DPP10: variants seen among roughly 807,000 people sequenced by gnomAD.
DPP10 encodes inactive dipeptidyl peptidase 10.
A neutral mutation model predicts 120.9 loss-of-function variants in DPP10; 33 were observed. That is an observed-to-expected ratio of 0.27 (90% CI 0.21 to 0.37). The LOEUF (loss-of-function observed/expected upper bound fraction) is 0.37, where lower values mean the gene tolerates loss of function less well. DPP10 is among the 10% of genes least tolerant of loss of function. The probability of loss-of-function intolerance (pLI) is 1.00; values close to 1 mark genes in which losing one functional copy is unlikely to be tolerated. For synonymous variants in DPP10, 337 were observed against 326.1 expected (o/e 1.03, Z -0.36); for missense variants, 816 against 942.8 (o/e 0.87, Z 1.76).
intron 5 of DPP10, among the ~76,000 whole-genome samples, chr2:115,534,396 T>A (rs1323829236): frequency 6.6e-6 from 1 of 151,516 alleles, no homozygotes; most frequent in African/African-American, 2.4e-5. Flanking sequence ...TTACTGAGAA[T>A]GATGATTTCC....
At position 115,172,960 on chromosome 2, in the gene DPP10, C is replaced by A. The variant is rs543713963; in HGVS notation, c.61-136279C>A. 1.3e-3 allele frequency among the ~76,000 whole-genome samples: 195 copies of A among 152,282 alleles called. 1 individual carries two copies. Among genetic ancestry groups the A allele is most frequent in the Non-Finnish European group, 2.2e-3 (152 of 68,034 alleles). On this transcript the variant is annotated intron_variant, in intron 1 of 25. Coordinates refer to ENST00000410059, the MANE Select transcript of DPP10 (RefSeq NM_020868.6). ...ATATAGAGTCCTCCTGACTCCAAAG[C>A]AAACATGGATTGGGAGTTGGTTAAG...
At chr2:115,259,520 A>G (rs2059157047) in intron 1 of DPP10, among the ~76,000 whole-genome samples, 1 of 152,002 alleles carries the variant, frequency 6.6e-6, no homozygotes, top group Non-Finnish European at 1.5e-5. Flanking sequence ...TAGCAAAAGA[A>G]ACACACTTCA....
chr2:115,625,296 AG>A (rs2085272495), intron 5 of DPP10, among the ~76,000 whole-genome samples: 1 of 152,156 alleles, frequency 6.6e-6, no homozygotes, highest in South Asian at 2.1e-4. Flanking sequence ...AGTGTGGAAA[AG>A]ACTTCAGTAT....
chr2:114,738,839 T>A (rs1424021116), intron 1 of DPP10, among the ~76,000 whole-genome samples: 1 of 152,192 alleles, frequency 6.6e-6, no homozygotes, highest in African/African-American at 2.4e-5. Flanking sequence ...TGTCCTGGAA[T>A]CCTTCCGCAA....
intron 1 of DPP10, among the ~76,000 whole-genome samples, chr2:114,988,008 G>T (rs1700521964): frequency 6.6e-6 from 1 of 151,724 alleles, no homozygotes; most frequent in Non-Finnish European, 1.5e-5. Flanking sequence ...GTTTCTCCTT[G>T]TTAGCCAGGA....
At chr2:114,943,214 G>A (rs1201407555) in intron 1 of DPP10, among the ~76,000 whole-genome samples, 1 of 152,114 alleles carries the variant, frequency 6.6e-6, no homozygotes, top group Non-Finnish European at 1.5e-5. Flanking sequence ...CCATGTCCCT[G>A]CAAAGGACAC....
chr2:115,389,563 C>A (rs72840766), intron 3 of DPP10, among the ~76,000 whole-genome samples: 2 of 152,046 alleles, frequency 1.3e-5, no homozygotes, highest in Non-Finnish European at 2.9e-5. Context: ...TAAATAATAA[C>A]CTTGTTGAAC....
At chr2:115,654,749 C>A (rs1304263688) in intron 5 of DPP10, among the ~76,000 whole-genome samples, 1 of 151,734 alleles carries the variant, frequency 6.6e-6, no homozygotes, top group East Asian at 1.9e-4. Context: ...TGTTTATAAA[C>A]CAATCAATAT....
intron 1 of DPP10, among the ~76,000 whole-genome samples, chr2:115,181,599 G>A (rs777521991): frequency 2.6e-5 from 4 of 152,062 alleles, no homozygotes; most frequent in African/African-American, 9.7e-5. Context: ...TCCAAGTACC[G>A]AGGGAAAAAA....
intron 5 of DPP10, among the ~76,000 whole-genome samples, chr2:115,599,021 A>T (rs2083160806): frequency 6.6e-6 from 1 of 151,526 alleles, no homozygotes; most frequent in Non-Finnish European, 1.5e-5. Context: ...TTTGTTCTTC[A>T]TGGGTTTCTG....
At chr2:114,559,088 G>C (rs574876858) in intron 1 of DPP10, among the ~76,000 whole-genome samples, 1 of 152,170 alleles carries the variant, frequency 6.6e-6, no homozygotes, top group African/African-American at 2.4e-5. Context: ...TGAGGATACC[G>C]AAGCTTAGTG....
intron 1 of DPP10, among the ~76,000 whole-genome samples, chr2:115,296,548 T>A (rs1261577334): frequency 6.6e-6 from 1 of 152,026 alleles, no homozygotes; most frequent in African/African-American, 2.4e-5. Flanking sequence ...GCCTTTCAGA[T>A]CTAAGCTCTT....
chr2:115,279,562 A>G (rs2060057312), intron 1 of DPP10, among the ~76,000 whole-genome samples: 1 of 150,238 alleles, frequency 6.7e-6, no homozygotes, highest in Admixed American at 6.6e-5. Context: ...TTTGCGTTTG[A>G]TAGAATCTTG....
chr2:115,617,187 A>G (rs561836939), intron 5 of DPP10, among the ~76,000 whole-genome samples: 1 of 149,106 alleles, frequency 6.7e-6, no homozygotes, highest in South Asian at 2.1e-4. Context: ...TTAACCATGG[A>G]GGGTACATTC....
chr2:115,608,428 CA>C (rs5833614), intron 5 of DPP10, among the ~76,000 whole-genome samples: 150,263 of 152,056 alleles, frequency 0.99, 74,274 homozygotes, highest in East Asian at 1. Flanking sequence ...AAAAAACAGA[CA>C]AAAAAAATAC....
chr2:115,046,192 T>C (rs1191170442), intron 1 of DPP10, among the ~76,000 whole-genome samples: 1 of 152,206 alleles, frequency 6.6e-6, no homozygotes, highest in Non-Finnish European at 1.5e-5. Context: ...ATTATTTCCA[T>C]CTGTAAAATT....
intron 7 of DPP10, among the ~76,000 whole-genome samples, chr2:115,696,380 C>T (rs1344454619): frequency 6.6e-6 from 1 of 152,102 alleles, no homozygotes; most frequent in Non-Finnish European, 1.5e-5. Context: ...TTGTCACATA[C>T]AACATATCCT....
intron 1 of DPP10, among the ~76,000 whole-genome samples, chr2:115,095,049 A>T (rs2104581651): frequency 6.6e-6 from 1 of 152,320 alleles, no homozygotes; most frequent in South Asian, 2.1e-4. Context: ...TGACCTAAAT[A>T]ATTCTGTAGA....
chr2:114,571,406 A>T (rs989284179), intron 1 of DPP10, among the ~76,000 whole-genome samples: 2 of 152,198 alleles, frequency 1.3e-5, no homozygotes, highest in African/African-American at 4.8e-5. Context: ...GAAGCCAAGC[A>T]GATGCTGTCA....
Sources: allele counts gnomAD v4.1 joint callset (sites outside exome capture counted in the v4.1 genomes callset), GRCh38; gene constraint gnomAD v4.1.1; transcripts MANE v1.5; gene names NCBI Gene and HGNC (gene_info 2026-07-23, HGNC 2026-07-21).